The following TIGIT variants were observed in gnomAD, a reference collection of about 807,000 sequenced individuals.
TIGIT encodes the protein T-cell immunoreceptor with Ig and ITIM domains.
Under a neutral mutation model 19.6 loss-of-function variants are expected in TIGIT, and 11 were observed. That is an observed-to-expected ratio of 0.56 (90% CI 0.35 to 0.93). TIGIT has a LOEUF of 0.93. Among genes scored for constraint, TIGIT ranks in the 40% least tolerant of loss-of-function variants. The probability of loss-of-function intolerance (pLI) is 0.01; values close to 1 mark genes in which losing one functional copy is unlikely to be tolerated. For missense variants in TIGIT, 295 were observed against 303.9 expected (o/e 0.97, Z 0.22); for synonymous variants, 130 against 125.5 (o/e 1.04, Z -0.24).
At chr3:114,296,317 G>T (rs147178672) in intron 2 of TIGIT, among the ~76,000 whole-genome samples, 24 of 152,316 alleles carry the variant, frequency 1.6e-4, no homozygotes, top group African/African-American at 5.8e-4. Context: ...ATTTACATTT[G>T]TGTGGTACTT....
At chr3:114,297,186 G>A (rs2078459226) in intron 2 of TIGIT, among the ~76,000 whole-genome samples, 2 of 152,092 alleles carry the variant, frequency 1.3e-5, no homozygotes, top group Admixed American at 6.5e-5. Context: ...ATTTCACATA[G>A]GCCAAACAAA....
At chr3:114,305,303 A>G (rs1254026069) in intron 3 of TIGIT, among the ~76,000 whole-genome samples, 3 of 152,156 alleles carry the variant, frequency 2.0e-5, no homozygotes, top group Admixed American at 1.3e-4. Context: ...CAGGTGAATG[A>G]TCCCATTCCA....
At chr3:114,297,190 A>G (rs1457993921) in intron 2 of TIGIT, among the ~76,000 whole-genome samples, 1 of 152,136 alleles carries the variant, frequency 6.6e-6, no homozygotes, top group East Asian at 1.9e-4. Flanking sequence ...CACATAGGCC[A>G]AACAAAGACT....
chr3:114,295,975 A>G (rs748972656), intron 2 of TIGIT, 101 bp downstream of exon 2: 172 of 958,208 alleles, frequency 1.8e-4, no homozygotes, highest in Non-Finnish European at 2.5e-4. Context: ...TCGGGATCAC[A>G]TTTGAATCAC....
At chr3:114,295,978 T>G (rs1439456853) in intron 2 of TIGIT, 104 bp downstream of exon 2, 2 of 914,894 alleles carry the variant, frequency 2.2e-6, no homozygotes, top group Non-Finnish European at 3.3e-6. Flanking sequence ...GGATCACATT[T>G]GAATCACCTG....
rs577355520 is a variant in TIGIT at position 114,308,874 on chromosome 3, T to G, written c.*743T>G. The G allele has an allele frequency of 6.6e-6, 1 of 152,312 alleles. No individual in the cohort carries two copies. The highest frequency in any genetic ancestry group is 2.1e-4 in the South Asian group (1 of 4,826). 9.4% of individuals were successfully genotyped at this position (152,312 alleles called of 1,614,324 possible). A position where few individuals can be genotyped will look rare whatever the true frequency, so the allele number is the denominator to read the frequency against. ...TGTAGGAAATTCTTGGAGCTGAAAG[T>G]CCCACAAAGAAGGCCCTGGCACCAA... is the stretch of plus-strand genomic sequence containing the variant. On this transcript the variant is annotated 3_prime_UTR_variant, in exon 4 of 4. Coordinates refer to ENST00000383671, the MANE Select transcript of TIGIT (RefSeq NM_173799.4).
At chr3:114,304,649 C>A (rs1421046472) in intron 3 of TIGIT, among the ~76,000 whole-genome samples, 2 of 152,202 alleles carry the variant, frequency 1.3e-5, no homozygotes, top group Non-Finnish European at 2.9e-5. Context: ...CCTTTCTATT[C>A]TCTTAGCAGA....
intron 3 of TIGIT, among the ~76,000 whole-genome samples, chr3:114,301,725 C>T (rs2078493860): frequency 6.6e-6 from 1 of 152,206 alleles, no homozygotes. Context: ...AGTCCTGTTG[C>T]TCCCTTTCTA....
Position 114,295,884 on chromosome 3 carries a change from C to T in TIGIT, c.391+10C>T. On this transcript the variant is annotated intron_variant, in intron 2 of 3. Transcript: ENST00000383671. ...GTCCTAGAAAGCTCAGGTATTCCTG[C>T]TGGAGCAAGTTGGTGGATAAACCTC... is the stretch of plus-strand genomic sequence containing the variant. 6.3e-7 allele frequency: 1 copy of T among 1,584,382 alleles called. No individual in the cohort carries two copies. Among genetic ancestry groups the T allele is most frequent in the Non-Finnish European group, 8.6e-7 (1 of 1,160,626 alleles).
intron 3 of TIGIT, among the ~76,000 whole-genome samples, chr3:114,303,586 T>TATATGTATATATATAC (rs1560033631): frequency 1.7e-4 from 4 of 24,050 alleles, no homozygotes; most frequent in Admixed American, 5.6e-4. Flanking sequence ...TATATATATA[T>TATATGTATATATATAC]ACATATATAT....
chr3:114,300,964 G>C (rs2078488654), intron 3 of TIGIT, among the ~76,000 whole-genome samples: 1 of 152,144 alleles, frequency 6.6e-6, no homozygotes, highest in Non-Finnish European at 1.5e-5. Flanking sequence ...TAAAACCATA[G>C]CTGTATTATA....
At chr3:114,297,589 G>A (rs1477140021) in intron 2 of TIGIT, among the ~76,000 whole-genome samples, 1 of 152,172 alleles carries the variant, frequency 6.6e-6, no homozygotes, top group Non-Finnish European at 1.5e-5. Flanking sequence ...TCAGGCAGAA[G>A]GCCCCTGTGG....
chr3:114,304,145 A>ATAT (rs1346967151), intron 3 of TIGIT, among the ~76,000 whole-genome samples: 1 of 151,412 alleles, frequency 6.6e-6, no homozygotes, highest in Admixed American at 6.6e-5. Flanking sequence ...TAGATTCTGG[A>ATAT]TATTAGTCCT....
intron 1 of TIGIT, chr3:114,295,010 T>C (rs370065397): frequency 6.4e-6 from 1 of 155,722 alleles, no homozygotes; most frequent in East Asian, 1.9e-4. Context: ...AAGCTGGCCA[T>C]GAAGCTACAT....
Position 114,308,306 on chromosome 3 carries a change from C to T in TIGIT, c.*175C>T, listed in dbSNP as rs1412522496. ...TCCATCTTCATTTCCTTGGCCTTTTCGTTCTATTCCATTTTGCATTATGGC... is the reference window on the plus strand; with the variant it reads ...TCCATCTTCATTTCCTTGGCCTTTTTGTTCTATTCCATTTTGCATTATGGC... On this transcript the variant is annotated 3_prime_UTR_variant, in exon 4 of 4. Transcript: ENST00000383671. 2.5e-5 allele frequency: 15 copies of T among 610,180 alleles called. No individual in the cohort carries two copies. In the East Asian group the frequency reaches 3.0e-4, roughly 12 times the overall value. 37.8% of individuals were successfully genotyped at this position (610,180 alleles called of 1,614,324 possible). A position where few individuals can be genotyped will look rare whatever the true frequency, so the allele number is the denominator to read the frequency against.
intron 2 of TIGIT, 192 bp downstream of exon 2, chr3:114,296,066 A>C: frequency 1.8e-6 from 1 of 556,372 alleles, no homozygotes. Context: ...AGAGCTAAAC[A>C]AGGGTAAGGT....
chr3:114,299,704 G>A lies in TIGIT; in HGVS notation c.498+1G>A, dbSNP rs2078480445. 6.2e-7 allele frequency: 1 copy of A among 1,605,402 alleles called. No individual in the cohort carries two copies. Among genetic ancestry groups the A allele is most frequent in the Non-Finnish European group, 8.5e-7 (1 of 1,174,382 alleles). On this transcript the variant is annotated splice_donor_variant, in intron 3 of 3. Transcript: ENST00000383671. LOFTEE classifies it high-confidence loss of function. ...CGTGGTGGTCGCGTTGACTAGAAAGGTAATGGCTCCGGCTGCACACCGCAG... is the reference window on the plus strand; with the variant it reads ...CGTGGTGGTCGCGTTGACTAGAAAGATAATGGCTCCGGCTGCACACCGCAG...
intron 3 of TIGIT, among the ~76,000 whole-genome samples, chr3:114,300,139 T>C (rs1384600478): frequency 1.3e-5 from 2 of 152,252 alleles, no homozygotes; most frequent in African/African-American, 4.8e-5. Flanking sequence ...ACTCCAAAAA[T>C]GTAGGGTTAG....
rs1471035299 is a variant in TIGIT, at chr3:114,309,679, T to C, written c.*1548T>C. On this transcript the variant is annotated 3_prime_UTR_variant, in exon 4 of 4. Coordinates refer to ENST00000383671, the MANE Select transcript of TIGIT (RefSeq NM_173799.4). Reference sequence around the variant, plus strand: ...GAAAGATTAGATGAACGTAAAAATGTTGTTGTTTGCTGTGGCAGTTTACAG... The same window carrying C: ...GAAAGATTAGATGAACGTAAAAATGCTGTTGTTTGCTGTGGCAGTTTACAG... The C allele has an allele frequency of 6.6e-6, 1 of 152,126 alleles. No individual in the cohort carries two copies. Among genetic ancestry groups the C allele is most frequent in the Non-Finnish European group, 1.5e-5 (1 of 68,006 alleles). The allele number at this position is 152,126 out of a possible 1,614,324, so 9.4% of individuals were successfully genotyped here.
Sources: allele counts gnomAD v4.1 joint callset (sites outside exome capture counted in the v4.1 genomes callset), GRCh38; gene constraint gnomAD v4.1.1; transcripts MANE v1.5; gene names NCBI Gene and HGNC (gene_info 2026-07-23, HGNC 2026-07-21).